TRPV4: variants seen among roughly 807,000 people sequenced by gnomAD.
TRPV4 encodes OSM9-like transient receptor potential channel 4.
A neutral mutation model predicts 84.1 loss-of-function variants in TRPV4; 58 were observed. That is an observed-to-expected ratio of 0.69 (90% CI 0.56 to 0.86). TRPV4 has a LOEUF of 0.86. Ranked by LOEUF, TRPV4 falls within the 40% of genes least tolerant of loss-of-function variation. The pLI, the probability that TRPV4 is intolerant of heterozygous loss-of-function variation, is 0.00. For synonymous variants in TRPV4, 489 were observed against 500.9 expected (o/e 0.98, Z 0.32); for missense variants, 879 against 1,181.1 (o/e 0.74, Z 3.75).
chr12:109,783,694 A>C lies in TRPV4; in HGVS notation c.2543T>G (p.Met848Arg). The change falls in exon 16 of 16, where the codon ATG becomes AGG. Residue 848 changes from methionine to arginine, a missense_variant. Met to Arg is a moderately conservative substitution (Grantham distance 91, BLOSUM62 -1). This residue lies in a region of TRPV4 where 242 missense variants were observed against 355.3 expected (regional missense o/e 0.68). Coordinates refer to ENST00000261740, the MANE Select transcript of TRPV4 (RefSeq NM_021625.5). The surrounding 1 kb of genome is among the most constrained non-coding windows in gnomAD (Gnocchi z 4.6). The stretch of plus-strand genomic sequence containing the variant: ...GTGGCCATCGCAGCGGGGGTTCCCC[A>C]TGCTGTCCAGAGGCACCACCACCTC... ...PDEVVVPLDS[M>R]GNPRCDGHQQ... The C allele has an allele frequency of 6.2e-7, 1 of 1,613,752 alleles. No homozygotes were observed.
chr12:109,827,938 G>A (rs776732030), intron 1 of TRPV4, among the ~76,000 whole-genome samples: 5 of 151,418 alleles, frequency 3.3e-5, no homozygotes, highest in South Asian at 4.2e-4. Flanking sequence ...ACATACACAC[G>A]TACACAAACA....
chr12:109,822,811 G>A (rs1355885300), intron 1 of TRPV4, among the ~76,000 whole-genome samples: 2 of 152,150 alleles, frequency 1.3e-5, no homozygotes, highest in Non-Finnish European at 2.9e-5. Context: ...CTGTCGTGAG[G>A]GTTACATGAG....
chr12:109,825,298 C>A (rs1892222034), intron 1 of TRPV4, among the ~76,000 whole-genome samples: 1 of 152,124 alleles, frequency 6.6e-6, no homozygotes, highest in Non-Finnish European at 1.5e-5. Flanking sequence ...CAGTGCCCAA[C>A]AAACACCAAG....
chr12:109,822,406 G>A (rs1264723182), intron 1 of TRPV4, among the ~76,000 whole-genome samples: 2 of 152,170 alleles, frequency 1.3e-5, no homozygotes, highest in African/African-American at 2.4e-5. Flanking sequence ...GTCTTGCCGG[G>A]GACATGTGGA....
intron 1 of TRPV4, among the ~76,000 whole-genome samples, chr12:109,818,262 C>T (rs1387810695): frequency 6.6e-6 from 1 of 152,090 alleles, no homozygotes; most frequent in East Asian, 1.9e-4. Context: ...CCTCACCAGG[C>T]CTGCACAGGG....
rs771294425 is a variant in TRPV4, at chr12:109,800,725, C to T, written c.746G>A (p.Arg249His). 1.5e-4 allele frequency: 237 copies of T among 1,613,880 alleles called. No individual in the cohort carries two copies. Among genetic ancestry groups the T allele is most frequent in the Non-Finnish European group, 1.9e-4 (225 of 1,180,038 alleles). The change falls in exon 5 of 16, where the codon CGC becomes CAC. Residue 249 changes from arginine to histidine, a missense_variant. By Grantham distance (29) the Arg-to-His change is conservative (BLOSUM62 0). Coordinates refer to ENST00000261740, the MANE Select transcript of TRPV4 (RefSeq NM_021625.5). Reference sequence around the variant, plus strand: ...GAGAAGTTCCACGTAGTGTTTGCAGCGACGCTCAATGGCGATGTGCAGGGC... The same window carrying T: ...GAGAAGTTCCACGTAGTGTTTGCAGTGACGCTCAATGGCGATGTGCAGGGC... Reference protein sequence around the residue: ...QTALHIAIERRCKHYVELLVA... With the variant: ...QTALHIAIERHCKHYVELLVA...
At chr12:109,787,920 C>A (rs566734320) in intron 13 of TRPV4, among the ~76,000 whole-genome samples, 3 of 152,302 alleles carry the variant, frequency 2.0e-5, no homozygotes, top group Admixed American at 1.3e-4. Flanking sequence ...TCTGCAGCTC[C>A]CCGGGCCAAG....
chr12:109,788,898 C>T (rs1471149541), intron 12 of TRPV4, among the ~76,000 whole-genome samples, 182 bp from the exon 13 acceptor site: 1 of 152,200 alleles, frequency 6.6e-6, no homozygotes, highest in African/African-American at 2.4e-5. Flanking sequence ...TCCTCCTGAT[C>T]CCAAAACCTT....
chr12:109,787,065 A>G (rs1889737312), intron 13 of TRPV4, among the ~76,000 whole-genome samples: 1 of 152,172 alleles, frequency 6.6e-6, no homozygotes, highest in Admixed American at 6.5e-5. Flanking sequence ...CCCAAGCCCT[A>G]TCACACTTAC....
At chr12:109,827,667 TAC>T (rs1365813059) in intron 1 of TRPV4, among the ~76,000 whole-genome samples, 1 of 150,160 alleles carries the variant, frequency 6.7e-6, no homozygotes, top group Non-Finnish European at 1.5e-5. Flanking sequence ...TACACACACA[TAC>T]ACACATGCAC....
chr12:109,788,707 G>A lies in TRPV4; in HGVS notation c.1901C>T (p.Ser634Phe). ...FMIGYASALV[S>F]LLNPCANMKV... ...CATGTTGGCACACGGGTTCAGGAGG[G>A]AGACCAGGGCTGTGGGAGGATAGGG... The change falls in exon 13 of 16, where the codon TCC (serine) becomes TTC (phenylalanine). Residue 634 changes from serine (S) to phenylalanine (F), a missense_variant. Around this residue, in one of 4 missense-constraint regions of TRPV4, gnomAD observed 242 missense variants for 355.3 expected, o/e 0.68. Transcript: ENST00000261740. 6.2e-7 allele frequency: 1 copy of A among 1,614,138 alleles called. No homozygotes were observed. Among genetic ancestry groups the A allele is most frequent in the Non-Finnish European group, 8.5e-7 (1 of 1,180,044 alleles).
chr12:109,788,053 C>T (rs928294940), intron 13 of TRPV4, among the ~76,000 whole-genome samples: 2 of 152,364 alleles, frequency 1.3e-5, no homozygotes, highest in Middle Eastern at 3.4e-3. Flanking sequence ...TGCCCCTGGG[C>T]TCAGCGTGGG....
At chr12:109,827,437 GT>G in intron 1 of TRPV4, among the ~76,000 whole-genome samples, 1 of 152,038 alleles carries the variant, frequency 6.6e-6, no homozygotes, top group South Asian at 2.1e-4. Flanking sequence ...CCCCTCCTGT[GT>G]GCCAAGCAGG....
chr12:109,809,098 C>T (rs1891344175), intron 2 of TRPV4, among the ~76,000 whole-genome samples: 1 of 147,962 alleles, frequency 6.8e-6, no homozygotes, highest in African/African-American at 2.5e-5. Flanking sequence ...TCCATCCATC[C>T]ACCCACCCAC....
intron 1 of TRPV4, among the ~76,000 whole-genome samples, chr12:109,820,758 C>T (rs578169487): frequency 3.1e-4 from 47 of 152,014 alleles, no homozygotes; most frequent in Non-Finnish European, 5.1e-4. Context: ...CTCCTGACCT[C>T]GTGATCCGCC....
chr12:109,796,439 CT>C lies in TRPV4; in HGVS notation c.1332+85del. 1 of 1,516,712 alleles carries C rather than the reference CT, an allele frequency of 6.6e-7. No individual in the cohort carries two copies. Among genetic ancestry groups the C allele is most frequent in the Non-Finnish European group, 9.0e-7 (1 of 1,107,508 alleles). 94.0% of individuals were successfully genotyped at this position (1,516,712 alleles called of 1,614,324 possible). On this transcript the variant is annotated intron_variant, in intron 7 of 15. Transcript: ENST00000261740. This position sits in a 1 kb window ranked among gnomAD's most constrained non-coding sequence, Gnocchi z 4.2. ...GTTGGGTCCTAGAGGCTGGGGCTGT[CT>C]CCCCCAGCCCAGCCCCAGGGCCCTG...
rs1891785462 is a variant in TRPV4 at position 109,815,097 on chromosome 12, G to C, written c.-31-270C>G. Among the ~76,000 whole-genome samples, 1 of 152,154 alleles carries C rather than the reference G, an allele frequency of 6.6e-6. No individual in the cohort carries two copies. The highest frequency in any genetic ancestry group is 1.5e-5 in the Non-Finnish European group (1 of 68,018). ...TTAGCTGAAAGAGGGTGGACTTCAG[G>C]GTCAAGCTGGGACCCCATACTTGGA... On this transcript the variant is annotated intron_variant, in intron 1 of 15. Coordinates refer to ENST00000261740, the MANE Select transcript of TRPV4 (RefSeq NM_021625.5). This position sits in a 1 kb window ranked among gnomAD's most constrained non-coding sequence, Gnocchi z 4.1.
chr12:109,804,350 G>A (rs1489869096), intron 3 of TRPV4, among the ~76,000 whole-genome samples: 1 of 152,176 alleles, frequency 6.6e-6, no homozygotes, highest in African/African-American at 2.4e-5. Context: ...GGAGACGCAG[G>A]TGTGGGTTCA....
chr12:109,793,473 G>A lies in TRPV4; in HGVS notation c.1658+54C>T. 2.0e-6 allele frequency: 3 copies of A among 1,494,464 alleles called. No individual in the cohort carries two copies. Among genetic ancestry groups the A allele is most frequent in the Non-Finnish European group, 2.8e-6 (3 of 1,071,752 alleles). 92.6% of individuals were successfully genotyped at this position (1,494,464 alleles called of 1,614,324 possible). A position where few individuals can be genotyped will look rare whatever the true frequency, so the allele number is the denominator to read the frequency against. ...TCTCCTGAATCTGGACGACCTAGCA[G>A]CCCAAACCCACCTTCCTCACCCAGA... On this transcript the variant is annotated intron_variant, in intron 10 of 15. Transcript: ENST00000261740. The surrounding 1 kb of genome is among the most constrained non-coding windows in gnomAD (Gnocchi z 4.0).
Sources: gnomAD v4.1 joint callset for allele counts (sites outside exome capture counted in the v4.1 genomes callset) on GRCh38, gnomAD v4.1.1 for gene constraint, gnomAD v4.1.1 regional missense constraint, Gnocchi (gnomAD v3.1) non-coding constraint, MANE v1.5 for transcripts, NCBI Gene and HGNC (gene_info 2026-07-23, HGNC 2026-07-21) for gene names.